The following UBE2V2 variants were observed in gnomAD, a reference collection of about 807,000 sequenced individuals.
The protein encoded by UBE2V2 is ubiquitin-conjugating enzyme E2 variant 2.
Under a neutral mutation model 17.2 loss-of-function variants are expected in UBE2V2, and 9 were observed. The ratio of observed to expected loss-of-function variants is 0.52; its 90% CI spans 0.32 to 0.91. UBE2V2 has a LOEUF of 0.91. Among genes scored for constraint, UBE2V2 ranks in the 40% least tolerant of loss-of-function variants. The pLI is 0.04. For synonymous variants in UBE2V2, 61 were observed against 57.5 expected, an observed-to-expected ratio of 1.06 and a Z score of -0.28; for missense variants, 133 against 182.6, an observed-to-expected ratio of 0.73 and a Z score of 1.56.
the UBE2V2 span, among the ~76,000 whole-genome samples, chr8:47,997,885 G>A: frequency 6.6e-6 from 1 of 151,918 alleles, no homozygotes; most frequent in African/African-American, 2.4e-5. Flanking sequence ...TGTCAAGGAG[G>A]GGAAAAATCA....
intron 1 of UBE2V2, among the ~76,000 whole-genome samples, chr8:48,024,651 G>GTA (rs1253176308): frequency 1.3e-5 from 2 of 151,644 alleles, no homozygotes; most frequent in African/African-American, 4.8e-5. Context: ...TGTATCCTAC[G>GTA]TATGCCTTGG....
intron 1 of UBE2V2, 26 bp downstream of exon 1, chr8:48,008,496 A>AT (rs757818544): frequency 4.5e-6 from 7 of 1,564,354 alleles, no homozygotes; most frequent in Admixed American, 1.9e-5. Flanking sequence ...GGGCTGCGTG[A>AT]TTTTCCGCTC....
chr8:48,038,156 A>G (rs1359533512), intron 1 of UBE2V2, among the ~76,000 whole-genome samples: 1 of 152,200 alleles, frequency 6.6e-6, no homozygotes, highest in Non-Finnish European at 1.5e-5. Flanking sequence ...GTGAATACAC[A>G]TATACCCACC....
chr8:48,053,580 C>T (rs1011184375), intron 3 of UBE2V2, among the ~76,000 whole-genome samples: 1 of 151,746 alleles, frequency 6.6e-6, no homozygotes, highest in African/African-American at 2.4e-5. Flanking sequence ...TGTGCCACCA[C>T]GTCCAGCTAA....
At chr8:48,025,157 C>T (rs944296338) in intron 1 of UBE2V2, among the ~76,000 whole-genome samples, 1 of 152,044 alleles carries the variant, frequency 6.6e-6, no homozygotes, top group Non-Finnish European at 1.5e-5. Flanking sequence ...GAGATGGTCT[C>T]GATCTCCTGA....
At chr8:47,998,733 C>T in the UBE2V2 span, among the ~76,000 whole-genome samples, 2 of 151,570 alleles carry the variant, frequency 1.3e-5, no homozygotes, top group Admixed American at 6.6e-5. Context: ...CGAGAGCCGG[C>T]CAGAGTCTAT....
At chr8:48,002,150 C>A in the UBE2V2 span, among the ~76,000 whole-genome samples, 1 of 151,946 alleles carries the variant, frequency 6.6e-6, no homozygotes, top group East Asian at 1.9e-4. Context: ...GGCTTATGAT[C>A]TAATAATTAA....
At chr8:48,050,050 A>G (rs1254896121) in intron 3 of UBE2V2, 72 bp downstream of exon 3, 3 of 1,066,158 alleles carry the variant, frequency 2.8e-6, no homozygotes, top group Non-Finnish European at 3.8e-6. Flanking sequence ...TACACACACC[A>G]TAATATATGT....
intron 1 of UBE2V2, among the ~76,000 whole-genome samples, chr8:48,030,446 C>T (rs981020331): frequency 2.6e-5 from 4 of 152,164 alleles, no homozygotes; most frequent in African/African-American, 4.8e-5. Flanking sequence ...TCAGGCTGGG[C>T]GCAGTGGCTC....
chr8:48,020,939 G>A (rs1012268493), intron 1 of UBE2V2, among the ~76,000 whole-genome samples: 2 of 150,546 alleles, frequency 1.3e-5, no homozygotes, highest in African/African-American at 4.9e-5. Flanking sequence ...TAGAGACAAC[G>A]TCTTGCTATA....
At chr8:48,020,671 TC>T (rs1174510675) in intron 1 of UBE2V2, among the ~76,000 whole-genome samples, 1 of 152,194 alleles carries the variant, frequency 6.6e-6, no homozygotes, top group African/African-American at 2.4e-5. Context: ...TCTGACCTGG[TC>T]ATAGCTCACT....
upstream of UBE2V2, chr8:48,008,351 G>C: frequency 1.4e-6 from 2 of 1,396,830 alleles, no homozygotes; most frequent in Non-Finnish European, 1.9e-6. Context: ...CGCGCCCGCC[G>C]GGGGCGGAGT....
At chr8:48,032,118 C>A (rs1214190757) in intron 1 of UBE2V2, among the ~76,000 whole-genome samples, 1 of 152,060 alleles carries the variant, frequency 6.6e-6, no homozygotes, top group African/African-American at 2.4e-5. Flanking sequence ...TTTAAAAAAA[C>A]TGTTAAGATG....
chr8:48,030,675 C>T (rs770723973), intron 1 of UBE2V2, among the ~76,000 whole-genome samples: 7 of 151,102 alleles, frequency 4.6e-5, no homozygotes, highest in South Asian at 4.2e-4. Flanking sequence ...GAGTTGAGAT[C>T]GTGTACTCCA....
chr8:48,034,905 C>A, intron 1 of UBE2V2: 2 of 411,240 alleles, frequency 4.9e-6, no homozygotes, highest in Non-Finnish European at 6.5e-6. Flanking sequence ...AAGGGATAGG[C>A]TTGTTGCCCG....
intron 3 of UBE2V2, among the ~76,000 whole-genome samples, chr8:48,056,136 T>A (rs1049649769): frequency 6.6e-6 from 1 of 152,246 alleles, no homozygotes; most frequent in African/African-American, 2.4e-5. Flanking sequence ...CTTTGGCGAC[T>A]TAACGTAATG....
intron 1 of UBE2V2, among the ~76,000 whole-genome samples, chr8:48,035,707 C>T (rs1292188679): frequency 7.4e-5 from 2 of 26,858 alleles, no homozygotes; most frequent in Non-Finnish European, 1.3e-4. Flanking sequence ...AGACTGGGCC[C>T]GGGTTCAAGT....
In UBE2V2 at chr8:48,049,836, TG is replaced by T. The variant is rs776503572; in HGVS notation, c.166-16del. ...GGTATTGTTATTTTGATTATCTTTT[TG>T]TTTTTTGCCTTCCAGACAAATTATG... On this transcript the variant is annotated splice_polypyrimidine_tract_variant and intron_variant, in intron 2 of 3. Transcript: ENST00000523111. The T allele has an allele frequency of 2.5e-6, 4 of 1,591,006 alleles. No individual in the cohort carries two copies. The African/African-American group carries it at 5.4e-5, about 22-fold the overall frequency.
upstream of UBE2V2, chr8:48,008,309 G>A (rs1242618208): frequency 2.7e-6 from 3 of 1,092,436 alleles, no homozygotes; most frequent in South Asian, 4.9e-5. Context: ...GCGACCCCTC[G>A]GCCCACGTGC....
Sources: gnomAD v4.1 joint callset for allele counts (sites outside exome capture counted in the v4.1 genomes callset) on GRCh38, gnomAD v4.1.1 for gene constraint, MANE v1.5 for transcripts, NCBI Gene and HGNC (gene_info 2026-07-23, HGNC 2026-07-21) for gene names.